The following APPL1 variants were observed in gnomAD, a reference collection of about 807,000 sequenced individuals.
APPL1 encodes DCC-interacting protein 13-alpha.
In APPL1, 42 loss-of-function variants were observed where a neutral mutation model predicts 106.8. The observed-to-expected ratio is 0.39, with a 90% confidence interval of 0.31 to 0.51. The LOEUF (loss-of-function observed/expected upper bound fraction) is 0.51. Ranked by LOEUF, APPL1 falls within the 20% of genes least tolerant of loss-of-function variation. The pLI, the probability that APPL1 is intolerant of heterozygous loss-of-function variation, is 0.75. For synonymous variants in APPL1, 263 were observed against 281.8 expected, an observed-to-expected ratio of 0.93 and a Z score of 0.67; for missense variants, 769 against 858.2, an observed-to-expected ratio of 0.90 and a Z score of 1.30.
chr3:57,266,076 G>A (rs1470447156), intron 19 of APPL1, among the ~76,000 whole-genome samples: 1 of 152,134 alleles, frequency 6.6e-6, no homozygotes, highest in East Asian at 1.9e-4. Flanking sequence ...TCTTTTTAAT[G>A]TGTTGTTGAA....
intron 1 of APPL1, among the ~76,000 whole-genome samples, chr3:57,234,427 A>C (rs1039976704): frequency 6.7e-6 from 1 of 149,420 alleles, no homozygotes; most frequent in Non-Finnish European, 1.5e-5. Context: ...CCTCCTGAGT[A>C]GCTGGGACTG....
chr3:57,234,136 T>A (rs567018099), intron 1 of APPL1, among the ~76,000 whole-genome samples: 3 of 152,270 alleles, frequency 2.0e-5, no homozygotes, highest in Admixed American at 1.3e-4. Flanking sequence ...AAATTATTTT[T>A]AGAATAAAAA....
intron 10 of APPL1, among the ~76,000 whole-genome samples, chr3:57,248,668 G>A (rs1174762663): frequency 2.6e-5 from 4 of 152,094 alleles, no homozygotes; most frequent in Admixed American, 2.0e-4. Context: ...TCAGGAGTTC[G>A]AGACCAGCCT....
chr3:57,259,031 TA>T lies in APPL1; in HGVS notation c.1435del (p.Thr479GlnfsTer34). The T allele has an allele frequency of 6.2e-7, 1 of 1,612,634 alleles. No homozygotes were observed. Among genetic ancestry groups the T allele is most frequent in the South Asian group, 1.1e-5 (1 of 90,834 alleles). On this transcript the variant is annotated frameshift_variant, in exon 16 of 22. Coordinates refer to ENST00000288266, the MANE Select transcript of APPL1 (RefSeq NM_012096.3). LOFTEE classifies it high-confidence loss of function. ...TATTTTCTTCTAAACTTTTTAGGCGTACAAATCCATTTGGAGAATCTGGAGG... is the reference window on the plus strand; with the variant it reads ...TATTTTCTTCTAAACTTTTTAGGCGTCAAATCCATTTGGAGAATCTGGAGG... Reference protein sequence around the residue: ...AKAFGQGGRRTNPFGESGGST... With the variant: ...AKAFGQGGRRXNPFGESGGST...
Position 57,259,870 on chromosome 3 carries a change from T to C in APPL1, c.1509T>C (p.Ile503=). The change falls in exon 17 of 22, where the codon ATT becomes ATC. Residue 503 remains isoleucine, a synonymous_variant. Transcript: ENST00000288266. The part of the protein sequence containing the change: ...TEDSILHQLF[I]VRFLGSMEVK... ...ATTCTATTCTTCATCAGTTATTTAT[T>C]GTCCGATTCCTTGGTTCAATGGAGG... 6.2e-7 allele frequency: 1 copy of C among 1,604,378 alleles called. No homozygotes were observed. The highest frequency in any genetic ancestry group is 8.5e-7 in the Non-Finnish European group (1 of 1,177,410).
At chr3:57,237,228 C>T (rs1167794693) in intron 2 of APPL1, among the ~76,000 whole-genome samples, 2 of 152,046 alleles carry the variant, frequency 1.3e-5, no homozygotes, top group East Asian at 1.9e-4. Flanking sequence ...TATTTCTAGG[C>T]TTTAAAGTAT....
intron 7 of APPL1, 72 bp from the exon 8 acceptor site, chr3:57,246,004 C>A: frequency 8.8e-7 from 1 of 1,141,458 alleles, no homozygotes; most frequent in Non-Finnish European, 1.2e-6. Context: ...ACAGCTCCTA[C>A]TGAAGATAAT....
At chr3:57,231,423 G>C (rs1194519275) in intron 1 of APPL1, among the ~76,000 whole-genome samples, 2 of 151,336 alleles carry the variant, frequency 1.3e-5, no homozygotes, top group African/African-American at 4.9e-5. Flanking sequence ...TGAACTCCTG[G>C]CCTTAGTGCT....
In APPL1 at chr3:57,269,670, A is replaced by C; in HGVS notation, c.2113A>C (p.Arg705=). The C allele has an allele frequency of 2.5e-6, 4 of 1,614,068 alleles. No homozygotes were observed. Among genetic ancestry groups the C allele is most frequent in the Non-Finnish European group, 2.5e-6 (3 of 1,179,958 alleles). ...ESDLGEGGKK[R]ESEA ...TGATTTGGGAGAAGGAGGAAAGAAG[A>C]GAGAATCAGAAGCATAAGCTTATAC... is the stretch of plus-strand genomic sequence containing the variant. The change falls in exon 22 of 22, where the codon AGA becomes CGA. Residue 705 remains arginine (R), a synonymous_variant. Transcript: ENST00000288266.
intron 9 of APPL1, 135 bp from the exon 10 acceptor site, chr3:57,248,058 C>G: frequency 1.3e-6 from 1 of 768,854 alleles, no homozygotes; most frequent in Non-Finnish European, 2.0e-6. Context: ...AAAATATATT[C>G]GTGTTGTTTT....
chr3:57,229,504 A>G (rs1276283703), intron 1 of APPL1, among the ~76,000 whole-genome samples: 5 of 151,562 alleles, frequency 3.3e-5, no homozygotes, highest in African/African-American at 9.7e-5. Context: ...AGCATGCATC[A>G]TACTAGTGTC....
At chr3:57,267,669 G>C in intron 19 of APPL1, 73 bp from the exon 20 acceptor site, 4 of 1,290,134 alleles carry the variant, frequency 3.1e-6, no homozygotes, top group Non-Finnish European at 4.5e-6. Flanking sequence ...AGTTCCATCA[G>C]TTATTTGGAT....
chr3:57,258,540 C>T (rs1559512798), intron 15 of APPL1, among the ~76,000 whole-genome samples: 1 of 152,236 alleles, frequency 6.6e-6, no homozygotes, highest in Non-Finnish European at 1.5e-5. Context: ...AGGAAGGTAG[C>T]TTCCATCTCC....
intron 5 of APPL1, among the ~76,000 whole-genome samples, 165 bp downstream of exon 5, chr3:57,240,717 T>C (rs920256774): frequency 6.6e-6 from 1 of 152,198 alleles, no homozygotes; most frequent in African/African-American, 2.4e-5. Flanking sequence ...TCAAACTAGA[T>C]ATTGAGAAAT....
At chr3:57,254,661 G>A (rs1355270714) in intron 13 of APPL1, among the ~76,000 whole-genome samples, 1 of 152,098 alleles carries the variant, frequency 6.6e-6, no homozygotes, top group Non-Finnish European at 1.5e-5. Context: ...GTCTTGCGGT[G>A]TTGCCCAGAC....
rs1452654581 is a variant in APPL1, at chr3:57,242,136, A to C, written c.409A>C (p.Ser137Arg). ...LTLKEVFQIA[S>R]NDHDAAINRY... ...ATTAAAGGAAGTATTTCAGATTGCAAGTAATGGTAAGCCCTATAATTTGCA... is the reference window on the plus strand; with the variant it reads ...ATTAAAGGAAGTATTTCAGATTGCACGTAATGGTAAGCCCTATAATTTGCA... The change falls in exon 6 of 22, where the codon AGT (serine) becomes CGT (arginine). Residue 137 changes from serine (S) to arginine (R), a missense_variant. By Grantham distance (110) the Ser-to-Arg change is moderately radical. Coordinates refer to ENST00000288266, the MANE Select transcript of APPL1 (RefSeq NM_012096.3). The C allele has an allele frequency of 3.1e-6, 5 of 1,593,768 alleles. No homozygotes were observed. The highest frequency in any genetic ancestry group is 4.3e-6 in the Non-Finnish European group (5 of 1,166,650).
At chr3:57,262,149 G>C (rs140469608) in intron 19 of APPL1, among the ~76,000 whole-genome samples, 3 of 151,878 alleles carry the variant, frequency 2.0e-5, no homozygotes, top group Admixed American at 2.0e-4. Flanking sequence ...GTATATTCTG[G>C]ATATTAGTCC....
At chr3:57,254,972 A>G (rs1300913495) in intron 13 of APPL1, among the ~76,000 whole-genome samples, 2 of 152,262 alleles carry the variant, frequency 1.3e-5, no homozygotes, top group Admixed American at 6.5e-5. Context: ...TGTGCATACA[A>G]GTCACTTAGG....
At chr3:57,239,185 G>T (rs2060732345) in intron 4 of APPL1, among the ~76,000 whole-genome samples, 1 of 152,152 alleles carries the variant, frequency 6.6e-6, no homozygotes, top group Non-Finnish European at 1.5e-5. Flanking sequence ...CCATGATTCA[G>T]TTATCTCCCA....
Sources: gnomAD v4.1 joint callset for allele counts (sites outside exome capture counted in the v4.1 genomes callset) on GRCh38, gnomAD v4.1.1 for gene constraint, MANE v1.5 for transcripts, NCBI Gene and HGNC (gene_info 2026-07-23, HGNC 2026-07-21) for gene names.